CCDC57: variants seen among roughly 807,000 people sequenced by gnomAD.
The protein encoded by CCDC57 is coiled-coil domain-containing protein 57.
In CCDC57, 118 loss-of-function variants were observed where a neutral mutation model predicts 118.9. The observed-to-expected ratio is 0.99, with a 90% CI of 0.86 to 1.16. The LOEUF (loss-of-function observed/expected upper bound fraction) is 1.16, where lower values mean the gene tolerates loss of function less well. Among genes scored for constraint, CCDC57 ranks in the 50% most tolerant of loss-of-function variants. The pLI is 0.00. For missense variants in CCDC57, 1,300 were observed against 1,320.7 expected (o/e 0.98, Z 0.24); for synonymous variants, 527 against 532.9 (o/e 0.99, Z 0.15).
At chr17:82,197,842 G>A (rs1461763296) in intron 4 of CCDC57, among the ~76,000 whole-genome samples, 3 of 152,152 alleles carry the variant, frequency 2.0e-5, no homozygotes, top group Non-Finnish European at 4.4e-5. Context: ...CTTGGACATT[G>A]GGCTCCTGCA....
chr17:82,121,753 G>A (rs2036718185), intron 19 of CCDC57, among the ~76,000 whole-genome samples: 1 of 152,218 alleles, frequency 6.6e-6, no homozygotes, highest in Non-Finnish European at 1.5e-5. Flanking sequence ...CATGCCGCCT[G>A]CTGAGACCAT....
intron 7 of CCDC57, among the ~76,000 whole-genome samples, chr17:82,191,127 A>G (rs2047625240): frequency 9.0e-6 from 1 of 111,722 alleles, no homozygotes; most frequent in Non-Finnish European, 1.8e-5. Context: ...AAAATAAAAA[A>G]TAAAAAAAAA....
intron 2 of CCDC57, chr17:82,207,551 AC>A (rs1360090814): frequency 6.6e-6 from 1 of 151,970 alleles, no homozygotes; most frequent in Non-Finnish European, 1.5e-5. Flanking sequence ...TGTGGCCCCC[AC>A]CCAGGAACTG....
chr17:82,179,756 T>G (rs1186186718), intron 9 of CCDC57, among the ~76,000 whole-genome samples: 3 of 151,936 alleles, frequency 2.0e-5, no homozygotes, highest in Non-Finnish European at 4.4e-5. Context: ...ACCAAGGATG[T>G]AAAGGGGCAG....
At chr17:82,151,658 A>G in exon 16 of CCDC57, 1 of 1,550,354 alleles carries the variant, frequency 6.5e-7, no homozygotes. Context: ...TGCCTCCTTC[A>G]GCTTTCTCTG....
At chr17:82,176,961 C>T (rs2045595128) in intron 11 of CCDC57, among the ~76,000 whole-genome samples, 1 of 151,984 alleles carries the variant, frequency 6.6e-6, no homozygotes, top group African/African-American at 2.4e-5. Context: ...AGATTAGCAA[C>T]CAGGCCGGGC....
intron 2 of CCDC57, among the ~76,000 whole-genome samples, chr17:82,206,675 G>A (rs990280850): frequency 6.6e-6 from 1 of 152,110 alleles, no homozygotes; most frequent in Admixed American, 6.6e-5. Context: ...GTTTCCCTGG[G>A]TTCTGTGAGT....
intron 16 of CCDC57, among the ~76,000 whole-genome samples, chr17:82,150,350 GGC>G (rs1397983237): frequency 4.1e-5 from 6 of 145,458 alleles, no homozygotes; most frequent in Admixed American, 7.0e-5. Context: ...CCCAGAACCA[GGC>G]GCACACCCAG....
Position 82,172,603 on chromosome 17 carries a change from C to CTCTCCCGTT in CCDC57, c.1729+34_1729+35insAACGGGAGA. The CTCTCCCGTT allele has an allele frequency of 6.5e-7, 1 of 1,532,656 alleles. No homozygotes were observed. Among genetic ancestry groups the CTCTCCCGTT allele is most frequent in the East Asian group, 2.4e-5 (1 of 40,830 alleles). The allele number at this position is 1,532,656 out of a possible 1,614,324, so 94.9% of individuals were successfully genotyped here. On this transcript the variant is annotated intron_variant, in intron 12 of 19. Coordinates refer to ENST00000665763, the Ensembl canonical transcript of CCDC57. The surrounding 1 kb of genome is among the most constrained non-coding windows in gnomAD (Gnocchi z 5.2). The stretch of plus-strand genomic sequence containing the variant: ...TCCTCCTCCCTCCCTCTCCCCCTTC[C>CTCTCCCGTT]TCTCCCGCTCTGTCCGTTTCTCCCA...
chr17:82,167,572 A>G (rs1040156048), intron 13 of CCDC57, among the ~76,000 whole-genome samples: 2 of 151,750 alleles, frequency 1.3e-5, no homozygotes, highest in African/African-American at 4.8e-5. Context: ...GCTGGTCTTG[A>G]ACTCCTGGCC....
exon 10 of CCDC57, chr17:82,179,040 A>G (rs2146397370): frequency 6.2e-7 from 1 of 1,613,604 alleles, no homozygotes; most frequent in Non-Finnish European, 8.5e-7. Context: ...ACTTTTTGCC[A>G]TGCTCAGACC....
At chr17:82,180,974 T>C (rs2146440980) in intron 9 of CCDC57, among the ~76,000 whole-genome samples, 1 of 152,238 alleles carries the variant, frequency 6.6e-6, no homozygotes, top group African/African-American at 2.4e-5. Flanking sequence ...CCTCGCGAGA[T>C]GGGCCCACTC....
intron 4 of CCDC57, among the ~76,000 whole-genome samples, chr17:82,197,350 G>A (rs2048446119): frequency 1.3e-5 from 2 of 152,250 alleles, no homozygotes; most frequent in Admixed American, 1.3e-4. Context: ...CACAGTGGCA[G>A]CATCTCTGAC....
intron 9 of CCDC57, among the ~76,000 whole-genome samples, chr17:82,181,576 G>GA (rs1380830710): frequency 3.3e-5 from 5 of 152,072 alleles, no homozygotes; most frequent in South Asian, 4.1e-4. Context: ...CAAGGAAGTA[G>GA]AAAAAAATGT....
intron 4 of CCDC57, among the ~76,000 whole-genome samples, chr17:82,197,647 G>A (rs368571519): frequency 6.6e-6 from 1 of 152,144 alleles, no homozygotes; most frequent in African/African-American, 2.4e-5. Context: ...ACTGGGCTAC[G>A]GGCTGCCCGG....
intron 9 of CCDC57, among the ~76,000 whole-genome samples, chr17:82,183,410 C>G (rs115419559): frequency 0.014 from 2,083 of 152,184 alleles, 51 homozygotes; most frequent in African/African-American, 0.048. Flanking sequence ...GTCTCCAACT[C>G]CTGGGTTCCA....
intron 16 of CCDC57, among the ~76,000 whole-genome samples, chr17:82,141,834 G>GA (rs1261154641): frequency 2.6e-5 from 4 of 151,884 alleles, no homozygotes; most frequent in South Asian, 4.1e-4. Flanking sequence ...AAACTGTAGG[G>GA]AAAAAAAATG....
intron 16 of CCDC57, among the ~76,000 whole-genome samples, chr17:82,139,555 CAT>C (rs2039739384): frequency 6.6e-6 from 1 of 152,160 alleles, no homozygotes; most frequent in African/African-American, 2.4e-5. Flanking sequence ...GGTGCTTTGC[CAT>C]GTTGACCAGG....
At chr17:82,196,078 C>T (rs909423147) in intron 4 of CCDC57, among the ~76,000 whole-genome samples, 5 of 152,244 alleles carry the variant, frequency 3.3e-5, no homozygotes, top group African/African-American at 1.2e-4. Flanking sequence ...ACGGCCCAGC[C>T]AGAAACTCTG....
Sources: allele counts gnomAD v4.1 joint callset (sites outside exome capture counted in the v4.1 genomes callset), GRCh38; gene constraint gnomAD v4.1.1; non-coding constraint Gnocchi (gnomAD v3.1); transcripts MANE v1.5; gene names NCBI Gene and HGNC (gene_info 2026-07-23, HGNC 2026-07-21).